Variants in LRFN2 observed in about 807,000 individuals in gnomAD.
LRFN2 encodes the protein leucine-rich repeat and fibronectin type-III domain-containing protein 2.
LRFN2 carries 18 observed loss-of-function variants against 37.3 expected under a neutral mutation model. The observed-to-expected ratio is 0.48, with a 90% CI of 0.33 to 0.72. The LOEUF is 0.72. Ranked by LOEUF, LRFN2 falls within the 30% of genes least tolerant of loss-of-function variation. The pLI is 0.02. For synonymous variants in LRFN2, 556 were observed against 466.6 expected (o/e 1.19, Z -2.47); for missense variants, 1,006 against 1,060.7 (o/e 0.95, Z 0.72).
At chr6:40,471,815 C>T (rs1162071703) in intron 1 of LRFN2, among the ~76,000 whole-genome samples, 1 of 152,106 alleles carries the variant, frequency 6.6e-6, no homozygotes, top group Non-Finnish European at 1.5e-5. Context: ...TGCCACATAC[C>T]CACAACCAGA....
chr6:40,579,898 C>G (rs1278783425), intron 1 of LRFN2, among the ~76,000 whole-genome samples: 1 of 152,134 alleles, frequency 6.6e-6, no homozygotes, highest in Non-Finnish European at 1.5e-5. Context: ...AGACTGCTAG[C>G]CATCAAGTCG....
chr6:40,419,206 T>A (rs1763163701), intron 2 of LRFN2, among the ~76,000 whole-genome samples: 1 of 152,218 alleles, frequency 6.6e-6, no homozygotes, highest in African/African-American at 2.4e-5. Context: ...CAGCAGCACC[T>A]CCACAGCCTT....
At chr6:40,414,795 C>T (rs150978933) in intron 2 of LRFN2, among the ~76,000 whole-genome samples, 64 of 152,326 alleles carry the variant, frequency 4.2e-4, no homozygotes, top group African/African-American at 1.3e-3. Context: ...ATAAACCCCA[C>T]GTGACCACAA....
intron 2 of LRFN2, among the ~76,000 whole-genome samples, chr6:40,399,470 CTG>C (rs1234499194): frequency 2.7e-4 from 35 of 129,202 alleles, no homozygotes; most frequent in Non-Finnish European, 4.8e-4. Context: ...CAGTCTCACT[CTG>C]TAGCCCAAGC....
intron 1 of LRFN2, among the ~76,000 whole-genome samples, chr6:40,455,661 TATC>T (rs1764219760): frequency 6.6e-6 from 1 of 152,232 alleles, no homozygotes; most frequent in African/African-American, 2.4e-5. Flanking sequence ...GCAGTATCAC[TATC>T]ATCTTTATTG....
chr6:40,528,779 T>C (rs1766300245), intron 1 of LRFN2, among the ~76,000 whole-genome samples: 1 of 152,184 alleles, frequency 6.6e-6, no homozygotes, highest in Non-Finnish European at 1.5e-5. Context: ...TTGGGGACTG[T>C]CTATATTCCT....
At chr6:40,414,227 C>T (rs553976359) in intron 2 of LRFN2, among the ~76,000 whole-genome samples, 1 of 152,262 alleles carries the variant, frequency 6.6e-6, no homozygotes, top group South Asian at 2.1e-4. Flanking sequence ...TATGAAGGTG[C>T]CTGGTGCAGT....
intron 1 of LRFN2, among the ~76,000 whole-genome samples, chr6:40,522,157 GC>G (rs1274992265): frequency 6.6e-6 from 1 of 152,164 alleles, no homozygotes; most frequent in Non-Finnish European, 1.5e-5. Flanking sequence ...GGGAGCTGGG[GC>G]AAGCTTGCAC....
In LRFN2 at chr6:40,477,014, G is replaced by C. The variant is rs549077197; in HGVS notation, c.-18-43883C>G. On this transcript the variant is annotated intron_variant, in intron 1 of 2. Transcript: ENST00000338305. The stretch of plus-strand genomic sequence containing the variant: ...TTCTCCTTTAATTAAACTCACCTTC[G>C]ACTCTTGATGATCAGGAAATGGATT... Among the ~76,000 whole-genome samples, 5 of 152,232 alleles carry C rather than the reference G, an allele frequency of 3.3e-5. No individual in the cohort carries two copies. In the South Asian group the frequency reaches 1.0e-3, roughly 32 times the overall value.
At chr6:40,574,030 G>C (rs143056240) in intron 1 of LRFN2, among the ~76,000 whole-genome samples, 250 of 152,260 alleles carry the variant, frequency 1.6e-3, no homozygotes, top group Non-Finnish European at 2.8e-3. Context: ...CTTAGTCTCA[G>C]GCGAATTCGG....
chr6:40,421,956 T>C (rs1763238126), intron 2 of LRFN2, among the ~76,000 whole-genome samples: 1 of 152,164 alleles, frequency 6.6e-6, no homozygotes, highest in Non-Finnish European at 1.5e-5. Context: ...ATTATCTCCA[T>C]TTAGCAGGTG....
chr6:40,528,587 C>A (rs1293553908), intron 1 of LRFN2, among the ~76,000 whole-genome samples: 1 of 152,312 alleles, frequency 6.6e-6, no homozygotes, highest in South Asian at 2.1e-4. Flanking sequence ...CAGGCTCAGA[C>A]TAATACAGAT....
chr6:40,410,841 A>G (rs531174747), intron 2 of LRFN2, among the ~76,000 whole-genome samples: 4 of 152,146 alleles, frequency 2.6e-5, no homozygotes, highest in Non-Finnish European at 5.9e-5. Context: ...ATTAGCCAGG[A>G]GCTTTAAGGT....
intron 2 of LRFN2, among the ~76,000 whole-genome samples, chr6:40,430,177 C>T (rs189654001): frequency 1.3e-5 from 2 of 152,304 alleles, no homozygotes; most frequent in Admixed American, 1.3e-4. Context: ...TTCTCTCCAT[C>T]CTGAGATGTG....
Position 40,498,803 on chromosome 6 carries a change from T to A in LRFN2, c.-18-65672A>T, listed in dbSNP as rs532934313. On this transcript the variant is annotated intron_variant, in intron 1 of 2. Transcript: ENST00000338305. ...CACGGAGAGGCACAGACACTTTGCC[T>A]CTGACTCTTGCACACAGACTTATTC... Among the ~76,000 whole-genome samples, 11 of 152,336 alleles carry A rather than the reference T, an allele frequency of 7.2e-5. 1 individual carries two copies. Among genetic ancestry groups the A allele is most frequent in the Admixed American group, 2.0e-4 (3 of 15,306 alleles).
chr6:40,565,593 C>T (rs1160895048), intron 1 of LRFN2, among the ~76,000 whole-genome samples: 3 of 152,144 alleles, frequency 2.0e-5, no homozygotes, highest in Non-Finnish European at 4.4e-5. Flanking sequence ...TATCTACAAC[C>T]ATCTGATCTT....
At chr6:40,455,927 T>TG (rs772342988) in intron 1 of LRFN2, among the ~76,000 whole-genome samples, 53 of 152,232 alleles carry the variant, frequency 3.5e-4, no homozygotes, top group Non-Finnish European at 8.8e-5. Flanking sequence ...CAGCCCTTGC[T>TG]GAAGTCATGG....
chr6:40,518,908 G>A (rs950118064), intron 1 of LRFN2, among the ~76,000 whole-genome samples: 6 of 152,162 alleles, frequency 3.9e-5, no homozygotes, highest in African/African-American at 1.2e-4. Flanking sequence ...GTGGGCGAGG[G>A]GGTTCCAGGC....
chr6:40,418,426 C>T (rs1241889330), intron 2 of LRFN2, among the ~76,000 whole-genome samples: 1 of 152,198 alleles, frequency 6.6e-6, no homozygotes, highest in Non-Finnish European at 1.5e-5. Flanking sequence ...TCAAGGCCAC[C>T]CATACTTTTC....
Sources: allele counts gnomAD v4.1 joint callset (sites outside exome capture counted in the v4.1 genomes callset), GRCh38; gene constraint gnomAD v4.1.1; transcripts MANE v1.5; gene names NCBI Gene and HGNC (gene_info 2026-07-23, HGNC 2026-07-21).